RPS11: variants seen among roughly 807,000 people sequenced by gnomAD.
RPS11 encodes the protein ribosomal protein S11, also known as small ribosomal subunit protein uS17.
For synonymous variants in RPS11, 107 were observed against 78.0 expected, an observed-to-expected ratio of 1.37 and a Z score of -1.96; for missense variants, 127 against 211.4, an observed-to-expected ratio of 0.60 and a Z score of 2.48.
chr19:49,497,654 C>T (rs1004946872), intron 3 of RPS11, 59 bp downstream of exon 3: 46 of 1,503,170 alleles, frequency 3.1e-5, no homozygotes, highest in Non-Finnish European at 4.3e-5. Flanking sequence ...GGTCTTGGGG[C>T]CCAGACTCCT....
At position 49,497,969 on chromosome 19, in the gene RPS11, T is replaced by C. The variant is rs1324106362; in HGVS notation, c.276T>C (p.Tyr92=). The change falls in exon 4 of 5, where the codon TAT becomes TAC. Residue 92 remains tyrosine (Y), a synonymous_variant. Coordinates refer to ENST00000270625, the MANE Select transcript of RPS11 (RefSeq NM_001015.5). ...GGACCATTGTCATCCGCCGAGACTATCTGCACTACATCCGCAAGTACAACC... is the reference window on the plus strand; with the variant it reads ...GGACCATTGTCATCCGCCGAGACTACCTGCACTACATCCGCAAGTACAACC... ...MQRTIVIRRD[Y]LHYIRKYNRF... The C allele has an allele frequency of 6.2e-7, 1 of 1,614,076 alleles. No individual in the cohort carries two copies. The highest frequency in any genetic ancestry group is 1.7e-5 in the Admixed American group (1 of 60,002).
At chr19:49,497,723 AGAT>A (rs1235398742) in intron 3 of RPS11, 128 bp downstream of exon 3, 2 of 1,140,664 alleles carry the variant, frequency 1.8e-6, no homozygotes, top group Admixed American at 1.7e-5. Context: ...GTACATTGGC[AGAT>A]GATGTTTGTT....
intron 1 of RPS11, 160 bp downstream of exon 1, chr19:49,496,631 T>C (rs2079907754): frequency 1.4e-6 from 1 of 724,584 alleles, no homozygotes; most frequent in Non-Finnish European, 2.2e-6. Flanking sequence ...TGCTTTTGTT[T>C]CTAGATGAGT....
chr19:49,498,596 A>C (rs1178995731), intron 4 of RPS11, among the ~76,000 whole-genome samples: 2 of 152,178 alleles, frequency 1.3e-5, no homozygotes, highest in Admixed American at 1.3e-4. Flanking sequence ...TACAAAAAAT[A>C]CAAGTTTGCC....
At chr19:49,499,418 C>A in intron 4 of RPS11, 94 bp from the exon 5 acceptor site, 2 of 1,395,966 alleles carry the variant, frequency 1.4e-6, no homozygotes, top group Non-Finnish European at 9.9e-7. Flanking sequence ...GGAGCCGAAG[C>A]AGAGAGCCTT....
chr19:49,497,783 A>G, intron 3 of RPS11, 134 bp from the exon 4 acceptor site: 1 of 1,343,220 alleles, frequency 7.4e-7, no homozygotes, highest in South Asian at 1.2e-5. Flanking sequence ...TGAGAAAGCC[A>G]CTTGGTAAAA....
At chr19:49,499,240 C>G (rs940254217) in intron 4 of RPS11, among the ~76,000 whole-genome samples, 1 of 152,128 alleles carries the variant, frequency 6.6e-6, no homozygotes. Context: ...CTGCTGACAA[C>G]TTGGGGGCCT....
chr19:49,497,319 C>A lies in RPS11; in HGVS notation c.141C>A (p.Pro47=). 1 of 1,614,102 alleles carries A rather than the reference C, an allele frequency of 6.2e-7. No homozygotes were observed. The highest frequency in any genetic ancestry group is 8.5e-7 in the Non-Finnish European group (1 of 1,180,010). The change falls in exon 2 of 5, where the codon CCC becomes CCA. Residue 47 remains proline (P), a synonymous_variant. Coordinates refer to ENST00000270625, the MANE Select transcript of RPS11 (RefSeq NM_001015.5). ...ACATCGGTCTGGGCTTCAAGACACC[C>A]AAGGAGGTGCGGGGAACCTCAGAAG... ...YKNIGLGFKT[P]KEAIEGTYID...
At chr19:49,497,100 A>T in intron 1 of RPS11, 94 bp from the exon 2 acceptor site, 1 of 1,455,372 alleles carries the variant, frequency 6.9e-7, no homozygotes, top group Non-Finnish European at 9.4e-7. Flanking sequence ...AATGTAGAGC[A>T]TGGGGTCTGG....
intron 4 of RPS11, chr19:49,498,262 G>C: frequency 1.8e-6 from 1 of 568,696 alleles, no homozygotes; most frequent in South Asian, 2.0e-5. Context: ...CCAGATTTTG[G>C]AATGTTCTCG....
rs771453522 is a variant in RPS11 at position 49,497,275 on chromosome 19, C to T, written c.97C>T (p.Leu33Phe). The change falls in exon 2 of 5, where the codon CTC becomes TTC. Residue 33 changes from leucine (L) to phenylalanine (F), a missense_variant. Coordinates refer to ENST00000270625, the MANE Select transcript of RPS11 (RefSeq NM_001015.5). ...VLLGETGKEK[L>F]PRYYKNIGLG... The stretch of plus-strand genomic sequence containing the variant: ...GCTGGGAGAAACTGGCAAGGAGAAG[C>T]TCCCGCGGTACTACAAGAACATCGG... 4 of 1,614,150 alleles carry T rather than the reference C, an allele frequency of 2.5e-6. No homozygotes were observed. The highest frequency in any genetic ancestry group is 3.4e-6 in the Non-Finnish European group (4 of 1,180,024).
At chr19:49,496,981 A>G (rs369855979) in intron 1 of RPS11, among the ~76,000 whole-genome samples, 1 of 152,086 alleles carries the variant, frequency 6.6e-6, no homozygotes, top group Non-Finnish European at 1.5e-5. Flanking sequence ...ATAAATTGAA[A>G]TAACCTCGGG....
At position 49,496,490 on chromosome 19, in the gene RPS11, A is replaced by AC; in HGVS notation, c.15+19_15+20insC. 1 of 1,607,948 alleles carries AC rather than the reference A, an allele frequency of 6.2e-7. No homozygotes were observed. Among genetic ancestry groups the AC allele is most frequent in the Non-Finnish European group, 8.5e-7 (1 of 1,177,344 alleles). On this transcript the variant is annotated intron_variant, in intron 1 of 4. Transcript: ENST00000270625. ...CATTCAGGTGCGGACTCGGGGTTGGATGCCAGGGTGCGGGGTCCGCCTTGG... is the reference window on the plus strand; with the variant it reads ...CATTCAGGTGCGGACTCGGGGTTGGACTGCCAGGGTGCGGGGTCCGCCTTGG...
intron 4 of RPS11, 41 bp downstream of exon 4, chr19:49,498,087 C>G (rs1442653952): frequency 3.1e-6 from 5 of 1,610,188 alleles, no homozygotes; most frequent in Non-Finnish European, 4.2e-6. Context: ...GCCACGCTCT[C>G]TCAGCCTTCA....
chr19:49,496,766 G>C (rs562363374), intron 1 of RPS11, among the ~76,000 whole-genome samples: 2 of 152,164 alleles, frequency 1.3e-5, no homozygotes, highest in Admixed American at 1.3e-4. Context: ...TAATTCTGTG[G>C]AAACGGACTC....
intron 4 of RPS11, 176 bp downstream of exon 4, chr19:49,498,222 G>A: frequency 1.5e-6 from 1 of 662,710 alleles, no homozygotes; most frequent in Non-Finnish European, 2.6e-6. Flanking sequence ...CGTTCTACAG[G>A]GTGAATATCT....
At chr19:49,498,359 A>G (rs756262388) in intron 4 of RPS11, 5 of 376,836 alleles carry the variant, frequency 1.3e-5, no homozygotes, top group Non-Finnish European at 2.5e-5. Flanking sequence ...ACATAGCCTG[A>G]AAGTAGTCTT....
rs950776501 is a variant in RPS11 at position 49,497,383 on chromosome 19, G to T, written c.147+58G>T. ...CTGGCGTTCCTGCACGTGTGCCCAC[G>T]ACGAGTTGCCCTGCCTGCATCTAAG... On this transcript the variant is annotated intron_variant, in intron 2 of 4. Coordinates refer to ENST00000270625, the MANE Select transcript of RPS11 (RefSeq NM_001015.5). 7.5e-6 allele frequency: 12 copies of T among 1,610,660 alleles called. No homozygotes were observed. The Admixed American group carries it at 1.8e-4, about 25-fold the overall frequency.
At chr19:49,498,073 T>G (rs755269425) in intron 4 of RPS11, 27 bp downstream of exon 4, 1 of 1,611,504 alleles carries the variant, frequency 6.2e-7, no homozygotes, top group South Asian at 1.1e-5. Context: ...ATCAGGTTGC[T>G]CAGGCCACGC....
Sources: gnomAD v4.1 joint callset for allele counts (sites outside exome capture counted in the v4.1 genomes callset) on GRCh38, gnomAD v4.1.1 for gene constraint, MANE v1.5 for transcripts, NCBI Gene and HGNC (gene_info 2026-07-23, HGNC 2026-07-21) for gene names.